Variants in SLC25A21 observed in about 807,000 individuals in gnomAD.
SLC25A21 encodes the protein mitochondrial 2-oxodicarboxylate carrier.
In SLC25A21, 47 loss-of-function variants were observed where a neutral mutation model predicts 43.8. The observed-to-expected ratio is 1.07, with a 90% CI of 0.85 to 1.37. SLC25A21 has a LOEUF of 1.37. Ranked by LOEUF, SLC25A21 falls within the 40% of genes most tolerant of loss-of-function variation. SLC25A21 has a pLI of 0.00. For missense variants in SLC25A21, 352 were observed against 350.2 expected, an observed-to-expected ratio of 1.00 and a Z score of -0.04; for synonymous variants, 131 against 121.3, an observed-to-expected ratio of 1.08 and a Z score of -0.52.
At chr14:36,755,318 C>T (rs1325892504) in intron 3 of SLC25A21, among the ~76,000 whole-genome samples, 1 of 152,224 alleles carries the variant, frequency 6.6e-6, no homozygotes, top group Non-Finnish European at 1.5e-5. Flanking sequence ...TGTAAAACCA[C>T]CACTGTATTC....
At chr14:37,146,534 A>G (rs1183791757) in intron 1 of SLC25A21, among the ~76,000 whole-genome samples, 6 of 152,204 alleles carry the variant, frequency 3.9e-5, no homozygotes, top group Admixed American at 6.5e-5. Context: ...GGCCTGAGCC[A>G]CCACACTCAG....
At chr14:36,869,810 G>A (rs751879334) in intron 2 of SLC25A21, among the ~76,000 whole-genome samples, 47 of 152,246 alleles carry the variant, frequency 3.1e-4, no homozygotes, top group Non-Finnish European at 5.1e-4. Context: ...TGGAGAAATA[G>A]TATCCCCAGA....
At chr14:36,923,399 T>G (rs1892035689) in intron 1 of SLC25A21, among the ~76,000 whole-genome samples, 1 of 152,170 alleles carries the variant, frequency 6.6e-6, no homozygotes, top group Non-Finnish European at 1.5e-5. Context: ...GAGCATTCAT[T>G]GCCGGCACCT....
chr14:36,866,000 T>C (rs912264623), intron 2 of SLC25A21, among the ~76,000 whole-genome samples: 1 of 152,148 alleles, frequency 6.6e-6, no homozygotes, highest in Non-Finnish European at 1.5e-5. Context: ...AAAGTATGCA[T>C]TGGCCTATCC....
rs1882122038 is a variant in SLC25A21, at chr14:36,679,824, T to TAACA, written c.*830_*833dup. On this transcript the variant is annotated 3_prime_UTR_variant, in exon 10 of 10. Coordinates refer to ENST00000331299, the MANE Select transcript of SLC25A21 (RefSeq NM_030631.4). ...CCAAAGGTGTTTCCAATTTGTGATT[T>TAACA]AACATGACAATATCTCATCAACAAA... The TAACA allele has an allele frequency of 3.0e-6, 3 of 984,962 alleles. No individual in the cohort carries two copies. The highest frequency in any genetic ancestry group is 1.2e-4 in the Admixed American group (2 of 16,264). 61.0% of individuals were successfully genotyped at this position (984,962 alleles called of 1,614,324 possible).
At chr14:36,970,652 T>G (rs1159816235) in intron 1 of SLC25A21, among the ~76,000 whole-genome samples, 1 of 152,160 alleles carries the variant, frequency 6.6e-6, no homozygotes, top group Non-Finnish European at 1.5e-5. Context: ...AAAATCCAGC[T>G]GCACACCGAT....
chr14:36,828,524 G>A (rs1888918208), intron 2 of SLC25A21: 1 of 152,328 alleles, frequency 6.6e-6, no homozygotes, highest in Non-Finnish European at 1.5e-5. Context: ...GATGGGAGAA[G>A]CCTGGATCCC....
chr14:36,812,815 C>T (rs1036654218), intron 3 of SLC25A21, among the ~76,000 whole-genome samples: 9 of 152,010 alleles, frequency 5.9e-5, no homozygotes, highest in African/African-American at 1.7e-4. Context: ...GATTTGATTC[C>T]CAGCTCCACT....
At chr14:37,163,253 G>C (rs556263880) in intron 1 of SLC25A21, among the ~76,000 whole-genome samples, 1 of 151,254 alleles carries the variant, frequency 6.6e-6, no homozygotes, top group Non-Finnish European at 1.5e-5. Context: ...TAACTAACCT[G>C]CACATTGTGC....
At chr14:36,856,425 A>G (rs1174982173) in intron 2 of SLC25A21, among the ~76,000 whole-genome samples, 1 of 152,080 alleles carries the variant, frequency 6.6e-6, no homozygotes, top group Non-Finnish European at 1.5e-5. Flanking sequence ...CATGGCTTGT[A>G]AGGGAGGAGG....
intron 1 of SLC25A21, among the ~76,000 whole-genome samples, chr14:36,995,225 T>C (rs950517920): frequency 6.6e-6 from 1 of 152,198 alleles, no homozygotes; most frequent in Non-Finnish European, 1.5e-5. Context: ...AAAAAATAAA[T>C]ATTCCACAAT....
intron 1 of SLC25A21, chr14:37,097,061 T>A (rs1962711594): frequency 1.3e-5 from 2 of 151,684 alleles, no homozygotes; most frequent in African/African-American, 4.8e-5. Context: ...TGTTTGTTTT[T>A]GGTTCTTACG....
intron 6 of SLC25A21, among the ~76,000 whole-genome samples, chr14:36,715,160 A>G (rs1884070591): frequency 6.6e-6 from 1 of 152,242 alleles, no homozygotes; most frequent in South Asian, 2.1e-4. Flanking sequence ...GCATAATAGT[A>G]CAAATATATT....
chr14:37,146,389 G>T (rs1369019173), intron 1 of SLC25A21, among the ~76,000 whole-genome samples: 2 of 152,206 alleles, frequency 1.3e-5, no homozygotes, highest in Middle Eastern at 3.4e-3. Flanking sequence ...TAAGGCTACA[G>T]GAACGTGGCA....
intron 2 of SLC25A21, among the ~76,000 whole-genome samples, chr14:36,831,763 A>T (rs1293574573): frequency 6.6e-6 from 1 of 152,214 alleles, no homozygotes; most frequent in Non-Finnish European, 1.5e-5. Flanking sequence ...ACATTCTTTT[A>T]TAAGATGCAT....
At chr14:36,798,037 A>G (rs1887733669) in intron 3 of SLC25A21, among the ~76,000 whole-genome samples, 1 of 152,210 alleles carries the variant, frequency 6.6e-6, no homozygotes, top group South Asian at 2.1e-4. Flanking sequence ...GGCTGTTGAA[A>G]TCCTAAATAA....
chr14:36,832,689 T>A (rs1889078548), intron 2 of SLC25A21, among the ~76,000 whole-genome samples: 1 of 152,210 alleles, frequency 6.6e-6, no homozygotes, highest in Non-Finnish European at 1.5e-5. Context: ...CTCAAAAGAA[T>A]CTACTTTGCA....
chr14:36,946,286 G>C (rs1892677662), intron 1 of SLC25A21, among the ~76,000 whole-genome samples: 1 of 152,092 alleles, frequency 6.6e-6, no homozygotes. Context: ...ACAATCCATA[G>C]GTATGTTCAA....
intron 1 of SLC25A21, among the ~76,000 whole-genome samples, chr14:36,883,229 C>A (rs1890798401): frequency 6.6e-6 from 1 of 152,308 alleles, no homozygotes; most frequent in Admixed American, 6.5e-5. Flanking sequence ...TTACAACTCT[C>A]CCCTCCACTG....
Sources: allele counts gnomAD v4.1 joint callset (sites outside exome capture counted in the v4.1 genomes callset), GRCh38; gene constraint gnomAD v4.1.1; transcripts MANE v1.5; gene names NCBI Gene and HGNC (gene_info 2026-07-23, HGNC 2026-07-21).